The following FRMD4A variants were observed in gnomAD, a reference collection of about 807,000 sequenced individuals.
FRMD4A encodes FERM domain-containing protein 4A.
Under a neutral mutation model 129.1 loss-of-function variants are expected in FRMD4A, and 29 were observed. The observed-to-expected ratio is 0.22, with a 90% CI of 0.17 to 0.31. FRMD4A has a LOEUF of 0.31. Among genes scored for constraint, FRMD4A ranks in the 10% least tolerant of loss-of-function variants. FRMD4A has a pLI of 1.00. For synonymous variants in FRMD4A, 634 were observed against 571.6 expected, an observed-to-expected ratio of 1.11 and a Z score of -1.56; for missense variants, 1,272 against 1,375.8, an observed-to-expected ratio of 0.92 and a Z score of 1.19.
At position 14,110,125 on chromosome 10, in the gene FRMD4A, T is replaced by TTAAAAAAAAAAAAAAAAAAAAAAAAAAA. The variant is rs372420987; in HGVS notation, c.45+219932_45+219933insTTTTTTTTTTTTTTTTTTTTTTTTTTTA. On this transcript the variant is annotated intron_variant, in intron 2 of 24. Transcript: ENST00000357447. ...GGCTGGGCAACAAAGCGAGATGCTG[T>TTAAAAAAAAAAAAAAAAAAAAAAAAAAA]AAAAAAAAAAAAAAAAAAAAAAGCT... is the stretch of plus-strand genomic sequence containing the variant. 1.5e-4 allele frequency among the ~76,000 whole-genome samples: 13 copies of TTAAAAAAAAAAAAAAAAAAAAAAAAAAA among 89,554 alleles called. 2 individuals are homozygous for TTAAAAAAAAAAAAAAAAAAAAAAAAAAA. The highest frequency in any genetic ancestry group is 5.1e-4 in the African/African-American group (11 of 21,524). The allele number at this position is 89,554 out of a possible 152,430, so 58.8% of individuals were successfully genotyped here. A position where few individuals can be genotyped will look rare whatever the true frequency, so the allele number is the denominator to read the frequency against.
intron 2 of FRMD4A, among the ~76,000 whole-genome samples, chr10:14,219,032 G>T (rs1843165357): frequency 7.1e-6 from 1 of 141,832 alleles, no homozygotes; most frequent in Admixed American, 6.9e-5. Flanking sequence ...ATCATAGTAA[G>T]AAGGGGATAA....
chr10:13,919,549 A>T (rs185996635), intron 2 of FRMD4A, among the ~76,000 whole-genome samples: 2,294 of 152,228 alleles, frequency 0.015, 30 homozygotes, highest in Non-Finnish European at 0.02. Context: ...TAAATTTTTT[A>T]AATTAATTTG....
At chr10:13,938,698 A>G (rs1588433309) in intron 2 of FRMD4A, among the ~76,000 whole-genome samples, 1 of 152,134 alleles carries the variant, frequency 6.6e-6, no homozygotes, top group Admixed American at 6.5e-5. Flanking sequence ...GTGATTTTGC[A>G]CCTCTGCTCT....
intron 2 of FRMD4A, among the ~76,000 whole-genome samples, chr10:14,193,652 G>T (rs1564377515): frequency 6.7e-6 from 1 of 150,292 alleles, no homozygotes; most frequent in Non-Finnish European, 1.5e-5. Flanking sequence ...CAAGCAAAAA[G>T]TTGCAGTAGG....
In FRMD4A at chr10:13,656,921, C is replaced by T. The variant is rs1293516546; in HGVS notation, c.2668G>A (p.Glu890Lys). ...GGCGTCAGGCGGCCCGTGTCGCCCT[C>T]GTCGCCGCCGCCGCCGCGCCAGCTC... ...KESWRGGGGD[E>K]GDTGRLTPSR... Residue 890 changes from glutamate to lysine, a missense_variant, in exon 22 of 25, where the codon GAG becomes AAG. By Grantham distance (56) the Glu-to-Lys change is moderately conservative. Around this residue, in one of 2 missense-constraint regions of FRMD4A, gnomAD observed 972 missense variants for 892.3 expected, o/e 1.09. Transcript: ENST00000357447. 1.9e-5 allele frequency: 28 copies of T among 1,495,372 alleles called. No homozygotes were observed. The highest frequency in any genetic ancestry group is 7.2e-5 in the African/African-American group (5 of 69,130). The allele number at this position is 1,495,372 out of a possible 1,614,324, so 92.6% of individuals were successfully genotyped here. A position where few individuals can be genotyped will look rare whatever the true frequency, so the allele number is the denominator to read the frequency against.
intron 22 of FRMD4A, among the ~76,000 whole-genome samples, chr10:13,656,230 G>C (rs926617448): frequency 3.3e-5 from 5 of 152,172 alleles, no homozygotes; most frequent in African/African-American, 1.2e-4. Flanking sequence ...CCCCAACCCA[G>C]CTTCCTTTGC....
In FRMD4A at chr10:14,284,361, G is replaced by A. The variant is rs527580092; in HGVS notation, c.45+45697C>T. ...ACAAAACCCAATTTAAACTATTGTT[G>A]CAGGAGGCTGGGCGCAGTGGTTCAT... is the stretch of plus-strand genomic sequence containing the variant. On this transcript the variant is annotated intron_variant, in intron 2 of 24. Coordinates refer to ENST00000357447, the MANE Select transcript of FRMD4A (RefSeq NM_018027.5). Among the ~76,000 whole-genome samples the A allele has an allele frequency of 2.0e-5, 3 of 152,270 alleles. No individual in the cohort carries two copies. In the South Asian group the frequency reaches 6.2e-4, roughly 32 times the overall value.
chr10:13,884,474 C>A (rs1046988593), intron 2 of FRMD4A, among the ~76,000 whole-genome samples: 2 of 152,156 alleles, frequency 1.3e-5, no homozygotes, highest in Admixed American at 6.5e-5. Context: ...GTAATTCTTA[C>A]ATCTTTTCTA....
Position 13,944,867 on chromosome 10 carries a change from A to C in FRMD4A, c.46-85955T>G, listed in dbSNP as rs537603705. On this transcript the variant is annotated intron_variant, in intron 2 of 24. Coordinates refer to ENST00000357447, the MANE Select transcript of FRMD4A (RefSeq NM_018027.5). ...CAACTTCTTATCCTTCCAATGAAGA[A>C]CACGGAATAGCTGAGTCTTTGCCAG... 2.0e-5 allele frequency among the ~76,000 whole-genome samples: 3 copies of C among 152,348 alleles called. No individual in the cohort carries two copies. In the East Asian group the frequency reaches 5.8e-4, roughly 29 times the overall value.
intron 2 of FRMD4A, among the ~76,000 whole-genome samples, chr10:13,920,658 T>C (rs2131256547): frequency 6.6e-6 from 1 of 152,342 alleles, no homozygotes; most frequent in African/African-American, 2.4e-5. Flanking sequence ...ATTACTGCGG[T>C]GTCAGAAATT....
chr10:13,912,439 T>A (rs973690637), intron 2 of FRMD4A, among the ~76,000 whole-genome samples: 4 of 151,266 alleles, frequency 2.6e-5, no homozygotes, highest in African/African-American at 9.7e-5. Context: ...ACATTACACA[T>A]AATAGGCAAA....
chr10:13,750,148 G>GAAAGAAAGAAAGAAAGAAAGA (rs2091541863), intron 8 of FRMD4A, among the ~76,000 whole-genome samples: 1 of 149,268 alleles, frequency 6.7e-6, no homozygotes, highest in Non-Finnish European at 1.5e-5. Context: ...AAGAAAGAAA[G>GAAAGAAAGAAAGAAAGAAAGA]AAAAGAGAGA....
intron 2 of FRMD4A, among the ~76,000 whole-genome samples, chr10:14,185,836 G>A (rs997067324): frequency 3.9e-5 from 6 of 152,104 alleles, no homozygotes; most frequent in African/African-American, 1.4e-4. Context: ...GCCCAGTGGA[G>A]ACAGCCATGG....
At chr10:13,741,042 G>T (rs2090971715) in intron 9 of FRMD4A, among the ~76,000 whole-genome samples, 1 of 152,066 alleles carries the variant, frequency 6.6e-6, no homozygotes, top group African/African-American at 2.4e-5. Flanking sequence ...GGCCAGGCTG[G>T]TCTCAAACTC....
At position 13,924,129 on chromosome 10, in the gene FRMD4A, C is replaced by G. The variant is rs549233866; in HGVS notation, c.46-65217G>C. Among the ~76,000 whole-genome samples, 5 of 152,280 alleles carry G rather than the reference C, an allele frequency of 3.3e-5. No individual in the cohort carries two copies. In the South Asian group the frequency reaches 6.2e-4, roughly 19 times the overall value. ...ATTCCCCACTTTTATACTATGTGCC[C>G]ATCTCATGGACATGCTGTCTCTGTT... is the stretch of plus-strand genomic sequence containing the variant. On this transcript the variant is annotated intron_variant, in intron 2 of 24. Coordinates refer to ENST00000357447, the MANE Select transcript of FRMD4A (RefSeq NM_018027.5).
intron 2 of FRMD4A, among the ~76,000 whole-genome samples, chr10:14,127,962 CTT>C (rs1564319207): frequency 0.06 from 2,602 of 43,010 alleles, 122 homozygotes; most frequent in African/African-American, 0.081. Flanking sequence ...TTCTTTCTTT[CTT>C]TCTTTCTTTC....
chr10:14,068,664 C>T (rs1835173344), intron 2 of FRMD4A, among the ~76,000 whole-genome samples: 1 of 152,224 alleles, frequency 6.6e-6, no homozygotes. Flanking sequence ...ACATCACTTA[C>T]ATATGTGTGA....
chr10:13,896,831 T>C (rs2094764185), intron 2 of FRMD4A, among the ~76,000 whole-genome samples: 2 of 152,206 alleles, frequency 1.3e-5, no homozygotes, highest in Non-Finnish European at 2.9e-5. Flanking sequence ...GATAAAAAGC[T>C]TTGCCAGTCA....
chr10:13,677,081 C>T (rs1470656063), intron 15 of FRMD4A, among the ~76,000 whole-genome samples: 1 of 152,174 alleles, frequency 6.6e-6, no homozygotes, highest in Non-Finnish European at 1.5e-5. Flanking sequence ...AAATTGTCCC[C>T]ATAAATATAC....
Sources: gnomAD v4.1 joint callset for allele counts (sites outside exome capture counted in the v4.1 genomes callset) on GRCh38, gnomAD v4.1.1 for gene constraint, gnomAD v4.1.1 regional missense constraint, MANE v1.5 for transcripts, NCBI Gene and HGNC (gene_info 2026-07-23, HGNC 2026-07-21) for gene names.